The following FREM1 variants were observed in gnomAD, a reference collection of about 807,000 sequenced individuals.
The protein encoded by FREM1 is FRAS1-related extracellular matrix protein 1.
In FREM1, 220 loss-of-function variants were observed where a neutral mutation model predicts 210.1. The observed-to-expected ratio is 1.05, with a 90% CI of 0.94 to 1.17. The LOEUF (loss-of-function observed/expected upper bound fraction) is 1.17. FREM1 is among the 50% of genes most tolerant of loss of function. The probability of loss-of-function intolerance (pLI) is 0.00; values close to 1 mark genes in which losing one functional copy is unlikely to be tolerated. For missense variants in FREM1, 3,454 were observed against 2,675.5 expected (o/e 1.29, Z -6.42); for synonymous variants, 1,189 against 980.2 (o/e 1.21, Z -3.98).
At chr9:14,862,703 C>A (rs1348698125) in intron 3 of FREM1, among the ~76,000 whole-genome samples, 1 of 152,152 alleles carries the variant, frequency 6.6e-6, no homozygotes, top group African/African-American at 2.4e-5. Context: ...TTTGCCAGTT[C>A]TAGACATTTC....
chr9:14,882,110 T>TG, intron 1 of FREM1, among the ~76,000 whole-genome samples: 1 of 145,378 alleles, frequency 6.9e-6, no homozygotes, highest in Admixed American at 7.0e-5. Flanking sequence ...CTGTTATTAT[T>TG]TTGTGTGTGT....
intron 13 of FREM1, among the ~76,000 whole-genome samples, chr9:14,822,347 G>A (rs571093601): frequency 1.7e-4 from 26 of 152,250 alleles, no homozygotes; most frequent in African/African-American, 5.8e-4. Flanking sequence ...ACCTTGGGCA[G>A]GTATAGAGAT....
chr9:14,775,471 C>T (rs560977138), intron 25 of FREM1, among the ~76,000 whole-genome samples: 3 of 152,034 alleles, frequency 2.0e-5, no homozygotes, highest in South Asian at 2.1e-4. Flanking sequence ...TTTGGGAGGC[C>T]GAGGCAGGTG....
chr9:14,765,384 G>C (rs535503206), intron 27 of FREM1, among the ~76,000 whole-genome samples: 1 of 152,142 alleles, frequency 6.6e-6, no homozygotes, highest in Non-Finnish European at 1.5e-5. Context: ...GTGTGATTAC[G>C]GTCAGTTACT....
chr9:14,798,121 C>A (rs369803284), intron 20 of FREM1, among the ~76,000 whole-genome samples: 1 of 151,906 alleles, frequency 6.6e-6, no homozygotes, highest in Non-Finnish European at 1.5e-5. Flanking sequence ...AGAAAAAGAA[C>A]AAAATTGGAA....
Position 14,807,839 on chromosome 9 carries a change from G to A in FREM1, c.3088+101C>T, listed in dbSNP as rs1818668639. The A allele has an allele frequency of 3.6e-6, 3 of 826,540 alleles. No individual in the cohort carries two copies. The Admixed American group carries it at 7.8e-5, about 22-fold the overall frequency. 51.2% of individuals were successfully genotyped at this position (826,540 alleles called of 1,614,324 possible). On this transcript the variant is annotated intron_variant, in intron 17 of 36. Transcript: ENST00000380880. ...TTATTGAAGGACAATTCCATATGGT[G>A]GTTTTCTTTTTAGACTATAAATGAA...
At chr9:14,840,280 T>A (rs1447806769) in intron 10 of FREM1, among the ~76,000 whole-genome samples, 1 of 152,202 alleles carries the variant, frequency 6.6e-6, no homozygotes, top group Non-Finnish European at 1.5e-5. Context: ...TCTTCCAAGA[T>A]AATAGGTACA....
intron 2 of FREM1, among the ~76,000 whole-genome samples, chr9:14,867,662 AC>A (rs1425441605): frequency 6.6e-6 from 1 of 152,184 alleles, no homozygotes; most frequent in East Asian, 1.9e-4. Context: ...AATACCTAGT[AC>A]CACTTTTCAA....
intron 30 of FREM1, 101 bp downstream of exon 30, chr9:14,750,026 G>A: frequency 1.7e-6 from 2 of 1,203,932 alleles, no homozygotes; most frequent in Non-Finnish European, 2.4e-6. Flanking sequence ...AAGAAATTAA[G>A]CATTTTGATT....
intron 1 of FREM1, among the ~76,000 whole-genome samples, chr9:14,871,966 A>C (rs1832762410): frequency 6.6e-6 from 1 of 152,144 alleles, no homozygotes. Flanking sequence ...CAAAGATCAG[A>C]TAGATCTTTG....
chr9:14,756,193 A>G (rs766208831), intron 29 of FREM1, among the ~76,000 whole-genome samples, 181 bp downstream of exon 29: 4 of 152,178 alleles, frequency 2.6e-5, no homozygotes, highest in Non-Finnish European at 4.4e-5. Context: ...ACTAAAAAAA[A>G]ATAAGGGCAA....
chr9:14,868,887 C>G lies in FREM1; in HGVS notation c.91G>C (p.Gly31Arg), dbSNP rs766093964. ...ASPTFISINR[G>R]VRVMKGHSAF... ...GAGTGGCCCTTCATCACCCTCACCCCGCGGTTGATGCTGATGAAGGTGGGG... is the reference window on the plus strand; with the variant it reads ...GAGTGGCCCTTCATCACCCTCACCCGGCGGTTGATGCTGATGAAGGTGGGG... Residue 31 changes from glycine (G) to arginine (R), a missense_variant, in exon 2 of 37, where the codon GGG becomes CGG. Gly to Arg is a moderately radical substitution (Grantham distance 125, BLOSUM62 -2). Coordinates refer to ENST00000380880, the MANE Select transcript of FREM1 (RefSeq NM_001379081.2). 1 of 1,607,014 alleles carries G rather than the reference C, an allele frequency of 6.2e-7. No individual in the cohort carries two copies. The highest frequency in any genetic ancestry group is 8.5e-7 in the Non-Finnish European group (1 of 1,176,830).
chr9:14,866,181 C>T (rs1364399302), intron 2 of FREM1, among the ~76,000 whole-genome samples: 3 of 152,152 alleles, frequency 2.0e-5, no homozygotes, highest in Non-Finnish European at 2.9e-5. Flanking sequence ...GTGGTTTCTC[C>T]TCTATACTGT....
chr9:14,877,653 G>A (rs894019948), intron 1 of FREM1, among the ~76,000 whole-genome samples: 1 of 152,036 alleles, frequency 6.6e-6, no homozygotes, highest in African/African-American at 2.4e-5. Flanking sequence ...TGCTGAACAT[G>A]AAGAAGCAAG....
chr9:14,759,458 C>T (rs200249890), intron 28 of FREM1, among the ~76,000 whole-genome samples: 22 of 150,204 alleles, frequency 1.5e-4, no homozygotes, highest in Admixed American at 2.7e-4. Flanking sequence ...TGCTGTGAGC[C>T]GAGATTGTGC....
At chr9:14,786,780 G>A (rs1157363435) in intron 23 of FREM1, among the ~76,000 whole-genome samples, 1 of 152,156 alleles carries the variant, frequency 6.6e-6, no homozygotes, top group African/African-American at 2.4e-5. Context: ...GTCCTACGTA[G>A]AATCAAAGAC....
chr9:14,780,420 C>T (rs888478478), intron 24 of FREM1, among the ~76,000 whole-genome samples: 3 of 89,608 alleles, frequency 3.3e-5, no homozygotes. Context: ...TCATAAATAG[C>T]GCCAGCTCCT....
Position 14,788,869 on chromosome 9 carries a change from T to C in FREM1, c.4177+50A>G, listed in dbSNP as rs140362610. 1.0e-5 allele frequency: 15 copies of C among 1,440,850 alleles called. No homozygotes were observed. The African/African-American group carries it at 1.5e-4, about 15-fold the overall frequency. 89.3% of individuals were successfully genotyped at this position (1,440,850 alleles called of 1,614,324 possible). On this transcript the variant is annotated intron_variant, in intron 23 of 36. Transcript: ENST00000380880. ...GAAAGAAACGAATGTGGAATACTTA[T>C]ACCAGTTAGCAAAGTTGATCCCAGT... is the stretch of plus-strand genomic sequence containing the variant.
At chr9:14,886,145 G>A (rs941575625) in intron 1 of FREM1, among the ~76,000 whole-genome samples, 6 of 152,104 alleles carry the variant, frequency 3.9e-5, no homozygotes, top group Non-Finnish European at 8.8e-5. Flanking sequence ...CCAGCACTTT[G>A]GGAGACCAAG....
Sources: allele counts gnomAD v4.1 joint callset (sites outside exome capture counted in the v4.1 genomes callset), GRCh38; gene constraint gnomAD v4.1.1; transcripts MANE v1.5; gene names NCBI Gene and HGNC (gene_info 2026-07-23, HGNC 2026-07-21).